C1QTNF7: variants seen among roughly 807,000 people sequenced by gnomAD.
The protein encoded by C1QTNF7 is C1q and TNF related 7.
Under a neutral mutation model 19.6 loss-of-function variants are expected in C1QTNF7, and 15 were observed. That is an observed-to-expected ratio of 0.76 (90% confidence interval 0.51 to 1.18). The LOEUF (loss-of-function observed/expected upper bound fraction) is 1.18, where lower values mean the gene tolerates loss of function less well. C1QTNF7 is among the 50% of genes most tolerant of loss of function. The pLI, the probability that C1QTNF7 is intolerant of heterozygous loss-of-function variation, is 0.00. For synonymous variants in C1QTNF7, 142 were observed against 137.5 expected, an observed-to-expected ratio of 1.03 and a Z score of -0.23; for missense variants, 324 against 359.7, an observed-to-expected ratio of 0.90 and a Z score of 0.80.
chr4:15,390,070 G>A (rs566674927), intron 1 of C1QTNF7, among the ~76,000 whole-genome samples: 10 of 152,230 alleles, frequency 6.6e-5, no homozygotes, highest in South Asian at 4.1e-4. Flanking sequence ...GAATTTGTCC[G>A]CTGTATACAA....
At chr4:15,352,370 A>C (rs527687252) in intron 1 of C1QTNF7, among the ~76,000 whole-genome samples, 10 of 152,296 alleles carry the variant, frequency 6.6e-5, no homozygotes, top group South Asian at 4.1e-4. Context: ...CCAGGATTCA[A>C]GCCTGGGTCT....
At chr4:15,382,465 G>C (rs902007156) in intron 1 of C1QTNF7, among the ~76,000 whole-genome samples, 5 of 151,362 alleles carry the variant, frequency 3.3e-5, no homozygotes, top group African/African-American at 1.2e-4. Context: ...ACGAATGAAT[G>C]CTGCAACCTT....
At chr4:15,427,023 C>T (rs1262918279), upstream of C1QTNF7, among the ~76,000 whole-genome samples, 2 of 152,130 alleles carry the variant, frequency 1.3e-5, no homozygotes, top group Non-Finnish European at 2.9e-5. Context: ...TTGTTTTGAC[C>T]ATCCTATGAT....
At chr4:15,343,584 C>A (rs1236106712) in intron 1 of C1QTNF7, among the ~76,000 whole-genome samples, 1 of 151,974 alleles carries the variant, frequency 6.6e-6, no homozygotes, top group East Asian at 1.9e-4. Flanking sequence ...TAGGGACAGT[C>A]CAGAAGAAAA....
intron 1 of C1QTNF7, 110 bp from the exon 2 acceptor site, chr4:15,435,626 G>A: frequency 6.9e-7 from 1 of 1,455,100 alleles, no homozygotes; most frequent in Non-Finnish European, 9.3e-7. Context: ...ACGAACACTG[G>A]AGTGATTTGT....
intron 1 of C1QTNF7, among the ~76,000 whole-genome samples, chr4:15,369,765 C>T (rs1055184447): frequency 6.6e-6 from 1 of 152,154 alleles, no homozygotes; most frequent in Non-Finnish European, 1.5e-5. Context: ...GAAGTTGTAT[C>T]AGTCAGTGAT....
At chr4:15,440,855 C>A (rs1342656520) in intron 2 of C1QTNF7, among the ~76,000 whole-genome samples, 2 of 151,640 alleles carry the variant, frequency 1.3e-5, no homozygotes, top group Non-Finnish European at 2.9e-5. Context: ...TATGCTCCTG[C>A]TGGCCGGGCA....
At chr4:15,393,128 G>A (rs1178400046) in intron 1 of C1QTNF7, among the ~76,000 whole-genome samples, 1 of 152,154 alleles carries the variant, frequency 6.6e-6, no homozygotes, top group Non-Finnish European at 1.5e-5. Context: ...GTTTTATAAG[G>A]GGAAATCTCT....
chr4:15,401,425 C>T (rs1718994261), intron 1 of C1QTNF7, among the ~76,000 whole-genome samples: 1 of 152,178 alleles, frequency 6.6e-6, no homozygotes, highest in Non-Finnish European at 1.5e-5. Flanking sequence ...GCCTGGTTAA[C>T]TGAATGCTGC....
chr4:15,414,573 G>C (rs1355148827), intron 1 of C1QTNF7, among the ~76,000 whole-genome samples: 1 of 151,834 alleles, frequency 6.6e-6, no homozygotes, highest in Non-Finnish European at 1.5e-5. Context: ...CATCTCGGTG[G>C]TTATAAATCA....
chr4:15,431,040 AAGATAGATAGATGATAGAT>A lies in C1QTNF7; in HGVS notation c.-9+2947_-9+2965del, dbSNP rs1371586320. ...TCATGTCATAAGCCATTTGTAGATT[AAGATAGATAGATGATAGAT>A]AGATAGATAGATAGATAGATAGATA... On this transcript the variant is annotated intron_variant, in intron 1 of 2. Coordinates refer to ENST00000444304, the MANE Select transcript of C1QTNF7 (RefSeq NM_031911.5). Among the ~76,000 whole-genome samples, 743 of 149,280 alleles carry A rather than the reference AAGATAGATAGATGATAGAT, an allele frequency of 5.0e-3. 5 individuals carry two copies. The highest frequency in any genetic ancestry group is 0.018 in the African/African-American group (714 of 40,416).
At chr4:15,405,254 C>A (rs540592025) in intron 1 of C1QTNF7, among the ~76,000 whole-genome samples, 2 of 152,264 alleles carry the variant, frequency 1.3e-5, no homozygotes, top group African/African-American at 4.8e-5. Flanking sequence ...TGACAGCAGG[C>A]GGGCTCTACA....
chr4:15,351,604 G>A (rs1016176722), intron 1 of C1QTNF7, among the ~76,000 whole-genome samples: 25 of 152,144 alleles, frequency 1.6e-4, no homozygotes, highest in Admixed American at 3.3e-4. Context: ...CCCAAGCGGC[G>A]CCCGAGACTA....
At chr4:15,407,953 T>G (rs192077815) in intron 1 of C1QTNF7, among the ~76,000 whole-genome samples, 1 of 152,156 alleles carries the variant, frequency 6.6e-6, no homozygotes, top group East Asian at 1.9e-4. Flanking sequence ...AAACAAAGAA[T>G]GTATATATGT....
chr4:15,375,266 A>G (rs1215409601), intron 1 of C1QTNF7, among the ~76,000 whole-genome samples: 4 of 152,282 alleles, frequency 2.6e-5, no homozygotes, highest in African/African-American at 9.6e-5. Context: ...AGATTTCCTT[A>G]TAGTGGCATA....
chr4:15,406,443 G>A (rs571717328), intron 1 of C1QTNF7, among the ~76,000 whole-genome samples: 156 of 152,244 alleles, frequency 1.0e-3, no homozygotes, highest in African/African-American at 3.4e-3. Context: ...ATGTGTGCTC[G>A]CTGCTCTCAA....
At chr4:15,440,607 C>T (rs1457672960) in intron 2 of C1QTNF7, among the ~76,000 whole-genome samples, 2 of 151,962 alleles carry the variant, frequency 1.3e-5, no homozygotes, top group Non-Finnish European at 2.9e-5. Flanking sequence ...GGGGCTTCAC[C>T]GTGTTAACCA....
intron 1 of C1QTNF7, among the ~76,000 whole-genome samples, chr4:15,400,139 C>T (rs893720251): frequency 1.3e-5 from 2 of 152,094 alleles, no homozygotes; most frequent in African/African-American, 4.8e-5. Flanking sequence ...GTTGCTAGGC[C>T]CCACAGGAAT....
rs185344744 is a variant in C1QTNF7, at chr4:15,354,083, G to T, written c.13+13876G>T. On this transcript the variant is annotated intron_variant, in intron 1 of 2. Coordinates refer to the C1QTNF7 transcript ENST00000295297. ...GTGGAAGGCTGGCTATGCGCACTTT[G>T]TCCTCACCCAAACCCGTTCTCCAAC... is the stretch of plus-strand genomic sequence containing the variant. Among the ~76,000 whole-genome samples the T allele has an allele frequency of 2.9e-4, 44 of 152,112 alleles. No homozygotes were observed. In the East Asian group the frequency reaches 8.6e-3, roughly 30 times the overall value.
Sources: gnomAD v4.1 joint callset for allele counts (sites outside exome capture counted in the v4.1 genomes callset) on GRCh38, gnomAD v4.1.1 for gene constraint, MANE v1.5 for transcripts, NCBI Gene and HGNC (gene_info 2026-07-23, HGNC 2026-07-21) for gene names.